ZNRF1: variants seen among roughly 807,000 people sequenced by gnomAD.
The protein encoded by ZNRF1 is zinc and ring finger 1.
In ZNRF1, 3 loss-of-function variants were observed where a neutral mutation model predicts 18.4. That is an observed-to-expected ratio of 0.16 (90% CI 0.07 to 0.42). ZNRF1 has a LOEUF of 0.42. Ranked by LOEUF, ZNRF1 falls within the 10% of genes least tolerant of loss-of-function variation. ZNRF1 has a pLI of 0.99. For missense variants in ZNRF1, 310 were observed against 329.8 expected, an observed-to-expected ratio of 0.94 and a Z score of 0.47; for synonymous variants, 157 against 144.2, an observed-to-expected ratio of 1.09 and a Z score of -0.64.
At chr16:75,028,800 C>T (rs1024503507) in intron 1 of ZNRF1, among the ~76,000 whole-genome samples, 1 of 152,208 alleles carries the variant, frequency 6.6e-6, no homozygotes, top group African/African-American at 2.4e-5. Flanking sequence ...GGAAAAGTGG[C>T]TGCATTTTAC....
intron 1 of ZNRF1, among the ~76,000 whole-genome samples, chr16:75,052,322 G>A (rs531564025): frequency 1.3e-5 from 2 of 151,612 alleles, no homozygotes; most frequent in South Asian, 4.2e-4. Flanking sequence ...AATTGCTTGA[G>A]CCCAGGAGGC....
chr16:75,005,787 TTC>T (rs149900094), intron 1 of ZNRF1, among the ~76,000 whole-genome samples: 3 of 151,710 alleles, frequency 2.0e-5, no homozygotes, highest in Non-Finnish European at 2.9e-5. Flanking sequence ...TGTGAATGTG[TTC>T]TCTCTCTCTC....
At chr16:75,047,175 T>G (rs1207515769) in intron 1 of ZNRF1, among the ~76,000 whole-genome samples, 1 of 152,180 alleles carries the variant, frequency 6.6e-6, no homozygotes, top group Non-Finnish European at 1.5e-5. Flanking sequence ...TCAACAGATT[T>G]ATTTATTTAT....
At chr16:75,025,836 G>A (rs1026146707) in intron 1 of ZNRF1, among the ~76,000 whole-genome samples, 31 of 145,666 alleles carry the variant, frequency 2.1e-4, no homozygotes, top group African/African-American at 7.7e-4. Flanking sequence ...TTTTATCTTG[G>A]ATCGACATCT....
intron 1 of ZNRF1, among the ~76,000 whole-genome samples, chr16:75,045,645 C>T (rs2035505686): frequency 1.3e-5 from 2 of 151,214 alleles, no homozygotes; most frequent in Admixed American, 1.3e-4. Context: ...ATAGCATGGT[C>T]TTGACTTTGA....
chr16:75,011,001 G>T (rs1230579202), intron 1 of ZNRF1, among the ~76,000 whole-genome samples: 1 of 152,200 alleles, frequency 6.6e-6, no homozygotes, highest in East Asian at 1.9e-4. Flanking sequence ...GAGCCACCAT[G>T]CCCAGCTGGG....
At chr16:75,047,659 G>A (rs539613952) in intron 1 of ZNRF1, among the ~76,000 whole-genome samples, 1 of 152,240 alleles carries the variant, frequency 6.6e-6, no homozygotes, top group Admixed American at 6.5e-5. Flanking sequence ...ATTACCATTT[G>A]TAGATTTTCT....
chr16:74,999,805 G>A lies in ZNRF1; in HGVS notation c.134G>A (p.Gly45Glu). The A allele has an allele frequency of 4.2e-6, 6 of 1,443,106 alleles. No individual in the cohort carries two copies. Among genetic ancestry groups the A allele is most frequent in the Non-Finnish European group, 5.4e-6 (6 of 1,104,058 alleles). The allele number at this position is 1,443,106 out of a possible 1,614,324, so 89.4% of individuals were successfully genotyped here. ...GHYRTGGGAM[G>E]LRSRSVSSVA... ...TACCGGACGGGCGGCGGGGCCATGG[G>A]GCTGCGCAGCCGCTCGGTCAGCTCG... is the stretch of plus-strand genomic sequence containing the variant. The change falls in exon 1 of 5, where the codon GGG (glycine) becomes GAG (glutamate). Residue 45 changes from glycine to glutamate, a missense_variant. Physicochemically the swap from Gly to Glu is moderately conservative, Grantham distance 98. Around this residue, in one of 2 missense-constraint regions of ZNRF1, gnomAD observed 293 missense variants for 291.2 expected, o/e 1.01. Transcript: ENST00000335325.
intron 1 of ZNRF1, among the ~76,000 whole-genome samples, chr16:75,048,716 A>G (rs1040085750): frequency 1.3e-5 from 2 of 152,146 alleles, no homozygotes; most frequent in Admixed American, 6.5e-5. Flanking sequence ...TTCCCACTGC[A>G]TCCTATCAGG....
At chr16:75,030,833 CTTTTTTTTT>C (rs59468839) in intron 1 of ZNRF1, among the ~76,000 whole-genome samples, 6 of 91,380 alleles carry the variant, frequency 6.6e-5, no homozygotes, top group African/African-American at 1.8e-4. Context: ...CACTTTATTC[CTTTTTTTTT>C]TTTTTTTTTT....
At chr16:75,006,492 G>GT (rs1258442000) in intron 1 of ZNRF1, among the ~76,000 whole-genome samples, 3 of 152,152 alleles carry the variant, frequency 2.0e-5, no homozygotes, top group Non-Finnish European at 1.5e-5. Flanking sequence ...CTGGAGTGCA[G>GT]TGGCATGATC....
chr16:75,047,817 A>G (rs4383171), intron 1 of ZNRF1, among the ~76,000 whole-genome samples: 2,994 of 152,232 alleles, frequency 0.02, 50 homozygotes, highest in Non-Finnish European at 0.031. Flanking sequence ...ACAGTTCTAG[A>G]GGCATGGCGG....
intron 4 of ZNRF1, 42 bp downstream of exon 4, chr16:75,106,613 G>A (rs943479830): frequency 7.0e-6 from 11 of 1,581,736 alleles, no homozygotes; most frequent in African/African-American, 6.7e-5. Context: ...AAGGCTTGGG[G>A]TCAGGTCACT....
chr16:75,098,127 C>T (rs758608694), intron 2 of ZNRF1, among the ~76,000 whole-genome samples: 8 of 152,216 alleles, frequency 5.3e-5, no homozygotes, highest in Non-Finnish European at 1.0e-4. Context: ...ACTCCTCCTA[C>T]AGGAGGGCGA....
chr16:75,089,230 G>A (rs1271823242), intron 1 of ZNRF1, among the ~76,000 whole-genome samples: 1 of 151,900 alleles, frequency 6.6e-6, no homozygotes, highest in Non-Finnish European at 1.5e-5. Context: ...AACCTCCCAC[G>A]TAGCTGGGAT....
intron 1 of ZNRF1, among the ~76,000 whole-genome samples, chr16:75,027,473 G>A (rs1285863955): frequency 2.0e-5 from 3 of 152,154 alleles, no homozygotes; most frequent in Non-Finnish European, 4.4e-5. Flanking sequence ...GTTGCCCCCT[G>A]TGACTCCATT....
At chr16:75,103,223 C>A (rs368891935) in intron 2 of ZNRF1, among the ~76,000 whole-genome samples, 4 of 152,186 alleles carry the variant, frequency 2.6e-5, no homozygotes, top group South Asian at 4.1e-4. Flanking sequence ...CAGTGGGTTC[C>A]CATGGGTGCA....
intron 1 of ZNRF1, among the ~76,000 whole-genome samples, chr16:75,054,404 C>G (rs113212398): frequency 1.3e-5 from 2 of 152,358 alleles, no homozygotes; most frequent in African/African-American, 4.8e-5. Flanking sequence ...CCTGCCAGTT[C>G]TGTCTGCTTT....
intron 1 of ZNRF1, among the ~76,000 whole-genome samples, chr16:75,023,561 G>A (rs1056059894): frequency 1.3e-5 from 2 of 152,122 alleles, no homozygotes; most frequent in East Asian, 3.9e-4. Flanking sequence ...GCAGGCACCT[G>A]TAATCCCAGC....
Sources: allele counts gnomAD v4.1 joint callset (sites outside exome capture counted in the v4.1 genomes callset), GRCh38; gene constraint gnomAD v4.1.1; regional missense constraint gnomAD v4.1.1; transcripts MANE v1.5; gene names NCBI Gene and HGNC (gene_info 2026-07-23, HGNC 2026-07-21).